Variants in AFF2 observed in about 807,000 individuals in gnomAD.
AFF2 encodes ALF transcription elongation factor 2.
In AFF2, 14 loss-of-function variants were observed where a neutral mutation model predicts 76.9. The ratio of observed to expected loss-of-function variants is 0.18; its 90% confidence interval spans 0.12 to 0.28. The LOEUF (loss-of-function observed/expected upper bound fraction) is 0.28, where lower values mean the gene tolerates loss of function less well. Ranked by LOEUF, AFF2 falls within the 10% of genes least tolerant of loss-of-function variation. The pLI, the probability that AFF2 is intolerant of heterozygous loss-of-function variation, is 1.00. For missense variants in AFF2, 868 were observed against 1,001.1 expected (o/e 0.87, Z 1.79); for synonymous variants, 398 against 366.7 (o/e 1.09, Z -0.98).
rs1471987394 is a variant in AFF2 at position 148,896,969 on chromosome X, C to T, written c.1360-7252C>T. On this transcript the variant is annotated intron_variant, in intron 8 of 20. Coordinates refer to ENST00000370460, the MANE Select transcript of AFF2 (RefSeq NM_002025.4). ...GATTAATGAGAAAGTAACTCCCTAG[C>T]TTCCTGTTTCTCCCTCATTGTGTCC... 6.5e-5 allele frequency among the ~76,000 whole-genome samples: 7 copies of T among 106,937 alleles called. No individual in the cohort carries two copies. In the Admixed American group the frequency reaches 7.2e-4, roughly 11 times the overall value. The allele number at this position is 106,937 out of a possible 115,157, so 92.9% of individuals were successfully genotyped here.
intron 1 of AFF2, among the ~76,000 whole-genome samples, chrX:148,627,689 A>G (rs1459072826): frequency 5.3e-5 from 6 of 112,273 alleles, no homozygotes; most frequent in Non-Finnish European, 1.1e-4. Flanking sequence ...AACAAAGAGC[A>G]GTAAAGGGAA....
At chrX:148,601,456 T>TA (rs1371971219) in intron 1 of AFF2, among the ~76,000 whole-genome samples, 5 of 111,926 alleles carry the variant, frequency 4.5e-5, no homozygotes. Context: ...AAAAGTCCAG[T>TA]AAAAAAGCTT....
At chrX:148,680,120 G>A in intron 3 of AFF2, among the ~76,000 whole-genome samples, 1 of 111,959 alleles carries the variant, frequency 8.9e-6, no homozygotes, top group East Asian at 2.8e-4. Flanking sequence ...CATTTATTAT[G>A]TATTGAGCAC....
chrX:148,592,683 G>T (rs2053534779), intron 1 of AFF2, among the ~76,000 whole-genome samples: 1 of 111,451 alleles, frequency 9.0e-6, no homozygotes, highest in Non-Finnish European at 1.9e-5. Flanking sequence ...GCCTGGTAGA[G>T]TGGTCTGCAA....
At chrX:148,739,689 T>C (rs1172151899) in intron 3 of AFF2, among the ~76,000 whole-genome samples, 1 of 111,282 alleles carries the variant, frequency 9.0e-6, no homozygotes, top group Admixed American at 9.5e-5. Context: ...GCCTGTGTAC[T>C]TTTTTTTAGT....
At chrX:148,742,107 T>A (rs782370558) in intron 3 of AFF2, among the ~76,000 whole-genome samples, 170 of 111,793 alleles carry the variant, frequency 1.5e-3, no homozygotes, top group African/African-American at 4.4e-3. Context: ...TTCACAATGC[T>A]AGCCTCTGCA....
chrX:148,967,419 G>T (rs782788806), intron 14 of AFF2, among the ~76,000 whole-genome samples: 1 of 112,280 alleles, frequency 8.9e-6, no homozygotes, highest in Non-Finnish European at 1.9e-5. Flanking sequence ...GTTGGAGCAT[G>T]TGGTTATTTA....
rs34482415 is a variant in AFF2, at chrX:148,907,521, CG to C, written c.1397+3270del. On this transcript the variant is annotated intron_variant, in intron 9 of 20. Coordinates refer to ENST00000370460, the MANE Select transcript of AFF2 (RefSeq NM_002025.4). ...GAGAGAAGTTTTAAAGCTGGGTGTC[CG>C]GGGGGGACATCACATGTCAACAGGT... is the stretch of plus-strand genomic sequence containing the variant. 4.3e-3 allele frequency among the ~76,000 whole-genome samples: 474 copies of C among 110,972 alleles called. 2 individuals are homozygous for C. The highest frequency in any genetic ancestry group is 0.015 in the African/African-American group (459 of 30,478).
intron 1 of AFF2, among the ~76,000 whole-genome samples, chrX:148,641,584 C>T (rs1557254719): frequency 9.0e-6 from 1 of 111,440 alleles, no homozygotes; most frequent in Admixed American, 9.5e-5. Context: ...CATTGTGAAC[C>T]GGCTCAGAAA....
intron 9 of AFF2, among the ~76,000 whole-genome samples, chrX:148,940,909 G>C (rs75385338): frequency 1.2e-3 from 138 of 111,587 alleles, no homozygotes; most frequent in Non-Finnish European, 1.7e-3. Flanking sequence ...ACATTGATGA[G>C]AAGGGAGACT....
At chrX:148,503,195 A>G (rs1373592635) in intron 1 of AFF2, among the ~76,000 whole-genome samples, 1 of 112,448 alleles carries the variant, frequency 8.9e-6, no homozygotes, top group Non-Finnish European at 1.9e-5. Context: ...CTCTGTTTAT[A>G]AACATTTGTA....
chrX:148,544,725 G>T, intron 1 of AFF2, among the ~76,000 whole-genome samples: 1 of 111,986 alleles, frequency 8.9e-6, no homozygotes, highest in Middle Eastern at 4.6e-3. Flanking sequence ...AAAGACATGG[G>T]CCTCTTATGA....
At position 148,991,591 on chromosome X, in the gene AFF2, G is replaced by A. The variant is rs2072534639; in HGVS notation, c.*259G>A. ...TTCTCAGATTCCACCATCTTTTTGT[G>A]CTTTATGGAATGACAGTCCCTACAA... On this transcript the variant is annotated 3_prime_UTR_variant, in exon 21 of 21. Transcript: ENST00000370460. 4.5e-6 allele frequency: 1 copy of A among 220,626 alleles called. No individual in the cohort carries two copies. Among genetic ancestry groups the A allele is most frequent in the Non-Finnish European group, 8.0e-6 (1 of 125,075 alleles). The allele number at this position is 220,626 out of a possible 1,213,427, so 18.2% of individuals were successfully genotyped here.
rs529656755 is a variant in AFF2 at position 148,969,077 on chromosome X, C to A, written c.3267+1385C>A. 3.4e-4 allele frequency among the ~76,000 whole-genome samples: 38 copies of A among 112,551 alleles called. No individual in the cohort carries two copies. The South Asian group carries it at 0.013, about 39-fold the overall frequency. On this transcript the variant is annotated intron_variant, in intron 15 of 20. Coordinates refer to ENST00000370460, the MANE Select transcript of AFF2 (RefSeq NM_002025.4). ...TGAAGACTGGGATATACATAGGAGA[C>A]CATGTAAATGAAATGTTTGAAGAAC...
intron 3 of AFF2, among the ~76,000 whole-genome samples, chrX:148,752,859 C>T (rs1420755316): frequency 8.9e-6 from 1 of 112,108 alleles, no homozygotes; most frequent in Non-Finnish European, 1.9e-5. Context: ...CTGCCAGGAA[C>T]TTCTCAATGA....
Position 148,870,143 on chromosome X carries a change from G to A in AFF2, c.1263-15746G>A, listed in dbSNP as rs2266824. 1.2e-3 allele frequency among the ~76,000 whole-genome samples: 133 copies of A among 111,081 alleles called. 2 individuals carry two copies. The East Asian group carries it at 0.031, about 26-fold the overall frequency. ...GCTGCACAGTTCTGTCCCATCCTAC[G>A]TAGAGGGAATTTAGGGGTACTTACC... On this transcript the variant is annotated intron_variant, in intron 7 of 20. Transcript: ENST00000370460.
intron 1 of AFF2, among the ~76,000 whole-genome samples, chrX:148,603,545 G>C (rs782353153): frequency 6.4e-5 from 7 of 109,249 alleles, no homozygotes; most frequent in Non-Finnish European, 9.5e-5. Flanking sequence ...TTTTATTTTA[G>C]GGGGAGACTT....
At chrX:148,888,300 C>T (rs1557279332) in intron 8 of AFF2, among the ~76,000 whole-genome samples, 1 of 111,208 alleles carries the variant, frequency 9.0e-6, no homozygotes, top group Non-Finnish European at 1.9e-5. Context: ...TGGCTTCTTT[C>T]ACTTACCATA....
Position 148,953,734 on chromosome X carries a change from C to A in AFF2, c.1552C>A (p.Pro518Thr). The A allele has an allele frequency of 2.5e-6, 3 of 1,205,959 alleles. No homozygotes were observed. Among genetic ancestry groups the A allele is most frequent in the Non-Finnish European group, 3.4e-6 (3 of 892,676 alleles). Residue 518 changes from proline to threonine, a missense_variant, in exon 10 of 21, where the codon CCA becomes ACA. Coordinates refer to ENST00000370460, the MANE Select transcript of AFF2 (RefSeq NM_002025.4). Reference sequence around the variant, plus strand: ...TAATGAGGCACCTCGTGTGGCAACTCCAGAGGTGAGTGAAGGTGCCAGGGC... The same window carrying A: ...TAATGAGGCACCTCGTGTGGCAACTACAGAGGTGAGTGAAGGTGCCAGGGC... ...ESNEAPRVAT[P>T]EPEPPSTNKW...
Sources: gnomAD v4.1 joint callset for allele counts (sites outside exome capture counted in the v4.1 genomes callset) on GRCh38, gnomAD v4.1.1 for gene constraint, MANE v1.5 for transcripts, NCBI Gene and HGNC (gene_info 2026-07-23, HGNC 2026-07-21) for gene names.